ASGR1: variants seen among roughly 807,000 people sequenced by gnomAD.
ASGR1 encodes the protein C-type lectin domain family 4 member H1.
In ASGR1, 35 loss-of-function variants were observed where a neutral mutation model predicts 33.1. The ratio of observed to expected loss-of-function variants is 1.06; its 90% CI spans 0.81 to 1.40. The LOEUF (loss-of-function observed/expected upper bound fraction) is 1.40, where lower values mean the gene tolerates loss of function less well. Among genes scored for constraint, ASGR1 ranks in the 40% most tolerant of loss-of-function variants. The probability of loss-of-function intolerance (pLI) is 0.00; values close to 1 mark genes in which losing one functional copy is unlikely to be tolerated. For synonymous variants in ASGR1, 142 were observed against 152.5 expected (o/e 0.93, Z 0.51); for missense variants, 396 against 373.7 (o/e 1.06, Z -0.49).
intron 4 of ASGR1, 32 bp downstream of exon 4, chr17:7,176,949 C>A (rs1259289391): frequency 2.5e-6 from 4 of 1,596,628 alleles, no homozygotes; most frequent in Middle Eastern, 4.4e-4. Context: ...CCAGCCCCAG[C>A]CCCAGCCCCA....
At chr17:7,178,696 A>T in intron 1 of ASGR1, 108 bp from the exon 2 acceptor site, 2 of 582,246 alleles carry the variant, frequency 3.4e-6, no homozygotes, top group East Asian at 3.2e-5. Context: ...CATCATGGAG[A>T]CCTTTCTTCT....
Position 7,173,523 on chromosome 17 carries a change from C to T in ASGR1, c.*136G>A, listed in dbSNP as rs979992474. 30 of 1,258,076 alleles carry T rather than the reference C, an allele frequency of 2.4e-5. No homozygotes were observed. The African/African-American group carries it at 3.9e-4, about 16-fold the overall frequency. 77.9% of individuals were successfully genotyped at this position (1,258,076 alleles called of 1,614,324 possible). A position where few individuals can be genotyped will look rare whatever the true frequency, so the allele number is the denominator to read the frequency against. ...GCGCCACGGGTTTCAAGCTCCTCAC[C>T]TTCGGAACATCACCCTATCCTTCCC... On this transcript the variant is annotated 3_prime_UTR_variant, in exon 9 of 9. Coordinates refer to ENST00000269299, the MANE Select transcript of ASGR1 (RefSeq NM_001671.5). This position sits in a 1 kb window ranked among gnomAD's most constrained non-coding sequence, Gnocchi z 4.7.
chr17:7,176,484 CTCTA>C (rs1395937664), intron 5 of ASGR1: 25 of 436,892 alleles, frequency 5.7e-5, no homozygotes, highest in South Asian at 3.8e-4. Flanking sequence ...CTCACACACA[CTCTA>C]TCTCATTCTC....
At chr17:7,175,630 C>T (rs2069189469) in intron 5 of ASGR1, among the ~76,000 whole-genome samples, 1 of 151,116 alleles carries the variant, frequency 6.6e-6, no homozygotes, top group South Asian at 2.1e-4. Context: ...CTAACACACA[C>T]GTTCTCACAT....
chr17:7,174,264 G>C lies in ASGR1; in HGVS notation c.468C>G (p.Val156=). ...AGCTGCGCTCGTGCTCCACCCAGTT[G>C]ACCGGGCAGCAGGTCCTTTCTGAGC... ...GNGSERTCCP[V]NWVEHERSCY... is the part of the protein sequence containing the mutation. The change falls in exon 7 of 9, where the codon GTC becomes GTG. Residue 156 remains valine, a synonymous_variant. Transcript: ENST00000269299. The C allele has an allele frequency of 6.2e-7, 1 of 1,614,094 alleles. No homozygotes were observed. The highest frequency in any genetic ancestry group is 8.5e-7 in the Non-Finnish European group (1 of 1,179,990).
chr17:7,177,459 G>T (rs1359660057), intron 2 of ASGR1, 133 bp from the exon 3 acceptor site: 3 of 679,386 alleles, frequency 4.4e-6, no homozygotes, highest in Non-Finnish European at 7.4e-6. Flanking sequence ...AAATGCGGGC[G>T]GTGGGCGACC....
Position 7,176,989 on chromosome 17 carries a change from C to T in ASGR1, c.275G>A (p.Ser92Asn). 1 of 1,567,918 alleles carries T rather than the reference C, an allele frequency of 6.4e-7. No individual in the cohort carries two copies. Among genetic ancestry groups the T allele is most frequent in the Non-Finnish European group, 8.7e-7 (1 of 1,154,364 alleles). Reference protein sequence around the residue: ...ASTEAQVKGLSTQGGNVGRKM... With the variant: ...ASTEAQVKGLNTQGGNVGRKM... ...CGCCCCAGCGCCCTCACCCTGGGTG[C>T]TCAAGCCCTTGACCTGGGCCTCCGT... Residue 92 changes from serine (S) to asparagine (N), a missense_variant, in exon 4 of 9, where the codon AGC becomes AAC. Coordinates refer to ENST00000269299, the MANE Select transcript of ASGR1 (RefSeq NM_001671.5).
At chr17:7,174,712 AACAC>A (rs377586367) in intron 5 of ASGR1, among the ~76,000 whole-genome samples, 52 of 143,974 alleles carry the variant, frequency 3.6e-4, no homozygotes, top group Non-Finnish European at 6.0e-4. Flanking sequence ...GACAATATAC[AACAC>A]ACACACACAC....
rs148267567 is a variant in ASGR1, at chr17:7,179,079, C to T, written c.-26+111G>A. The stretch of plus-strand genomic sequence containing the variant: ...CTCCATCCCCTCCCAGGCCTGACAT[C>T]CAGAATCCATCCTCTGATGTTTCCC... On this transcript the variant is annotated intron_variant, in intron 1 of 8. Transcript: ENST00000269299. The T allele has an allele frequency of 8.4e-3, 1,278 of 152,864 alleles. 8 individuals are homozygous for T. Among genetic ancestry groups the T allele is most frequent in the South Asian group, 0.019 (90 of 4,852 alleles). The allele number at this position is 152,864 out of a possible 1,614,324, so 9.5% of individuals were successfully genotyped here.
chr17:7,176,801 C>G, intron 5 of ASGR1, 29 bp downstream of exon 5: 1 of 1,601,158 alleles, frequency 6.2e-7, no homozygotes, highest in Non-Finnish European at 8.5e-7. Flanking sequence ...TTCACACACA[C>G]ACACACACAC....
Position 7,176,780 on chromosome 17 carries a change from TCTCA to T in ASGR1, c.355+46_355+49del, listed in dbSNP as rs777918700. The T allele has an allele frequency of 5.1e-6, 8 of 1,580,186 alleles. No individual in the cohort carries two copies. In the East Asian group the frequency reaches 9.1e-5, roughly 18 times the overall value. On this transcript the variant is annotated intron_variant, in intron 5 of 8. Coordinates refer to ENST00000269299, the MANE Select transcript of ASGR1 (RefSeq NM_001671.5). ...CACTTTCTCACACACATCCACACAT[TCTCA>T]CTCTCTTTCACACACACACACACAC...
chr17:7,173,465 A>AT lies in ASGR1; in HGVS notation c.*193_*194insA. The AT allele has an allele frequency of 2.8e-6, 2 of 721,688 alleles. No individual in the cohort carries two copies. Among genetic ancestry groups the AT allele is most frequent in the Non-Finnish European group, 4.4e-6 (2 of 451,738 alleles). The allele number at this position is 721,688 out of a possible 1,614,324, so 44.7% of individuals were successfully genotyped here. ...ATTTCTTTTTACTCTTAAAAAAAAAAAGTTCACAATGATAACCTGCAAACT... is the reference window on the plus strand; with the variant it reads ...ATTTCTTTTTACTCTTAAAAAAAAAATAGTTCACAATGATAACCTGCAAACT... On this transcript the variant is annotated 3_prime_UTR_variant, in exon 9 of 9. Coordinates refer to ENST00000269299, the MANE Select transcript of ASGR1 (RefSeq NM_001671.5). This position sits in a 1 kb window ranked among gnomAD's most constrained non-coding sequence, Gnocchi z 4.7.
At chr17:7,176,570 TCA>T (rs71959975) in intron 5 of ASGR1, 8,736 of 493,744 alleles carry the variant, frequency 0.018, 153 homozygotes, top group East Asian at 0.066. Flanking sequence ...CACCTCATTC[TCA>T]CACACAGACT....
intron 5 of ASGR1, among the ~76,000 whole-genome samples, chr17:7,175,975 C>G (rs961128607): frequency 1.3e-5 from 2 of 150,260 alleles, no homozygotes; most frequent in African/African-American, 4.9e-5. Context: ...CACACGTTCT[C>G]ACACACATAC....
In ASGR1 at chr17:7,174,198, G is replaced by C. The variant is rs749087233; in HGVS notation, c.534C>G (p.Ala178=). The C allele has an allele frequency of 2.8e-5, 45 of 1,614,052 alleles. No individual in the cohort carries two copies. In the Admixed American group the frequency reaches 4.5e-4, roughly 16 times the overall value. Reference sequence around the variant, plus strand: ...CGTCCTCCAGCCGGCAGTAGTTGTCGGCGTCAGCCCAGGCCTTCCCGGAGC... The same window carrying C: ...CGTCCTCCAGCCGGCAGTAGTTGTCCGCGTCAGCCCAGGCCTTCCCGGAGC... ...FSRSGKAWAD[A]DNYCRLEDAH... Residue 178 remains alanine, a synonymous_variant, in exon 7 of 9, where the codon GCC becomes GCG. Coordinates refer to ENST00000269299, the MANE Select transcript of ASGR1 (RefSeq NM_001671.5).
chr17:7,175,016 A>G (rs2069179395), intron 5 of ASGR1, among the ~76,000 whole-genome samples: 1 of 148,516 alleles, frequency 6.7e-6, no homozygotes, highest in African/African-American at 2.5e-5. Context: ...TCACATACAC[A>G]CTCACACAAC....
Position 7,174,185 on chromosome 17 carries a change from G to A in ASGR1, c.547C>T (p.Arg183Trp), listed in dbSNP as rs369527058. Reference protein sequence around the residue: ...KAWADADNYCRLEDAHLVVVT... With the variant: ...KAWADADNYCWLEDAHLVVVT... ...ACCACCAGGTGCGCGTCCTCCAGCC[G>A]GCAGTAGTTGTCGGCGTCAGCCCAG... Residue 183 changes from arginine (R) to tryptophan (W), a missense_variant, in exon 7 of 9, where the codon CGG becomes TGG. Arg to Trp is a moderately radical substitution (Grantham distance 101). Transcript: ENST00000269299. The A allele has an allele frequency of 2.5e-6, 4 of 1,614,072 alleles. No individual in the cohort carries two copies. Among genetic ancestry groups the A allele is most frequent in the South Asian group, 2.2e-5 (2 of 91,092 alleles).
chr17:7,176,717 C>A, intron 5 of ASGR1, 113 bp downstream of exon 5: 1 of 1,466,022 alleles, frequency 6.8e-7, no homozygotes, highest in Non-Finnish European at 9.3e-7. Flanking sequence ...CACACACACA[C>A]ACTCCCTCTC....
In ASGR1 at chr17:7,177,037, G is replaced by C. The variant is rs772693161; in HGVS notation, c.227C>G (p.Thr76Arg). Residue 76 changes from threonine (T) to arginine (R), a missense_variant, in exon 4 of 9, where the codon ACG becomes AGG. Physicochemically the swap from Thr to Arg is moderately conservative, Grantham distance 71. Coordinates refer to ENST00000269299, the MANE Select transcript of ASGR1 (RefSeq NM_001671.5). ...CGTGCTCGCTGTGAAGTTGCTGAAC[G>C]TCTCTCTCAGGCCCCGCAGCTCCTC... ...LQEELRGLRE[T>R]FSNFTASTEA... The C allele has an allele frequency of 2.4e-5, 38 of 1,612,186 alleles. No individual in the cohort carries two copies. In the East Asian group the frequency reaches 7.4e-4, roughly 31 times the overall value.
Sources: gnomAD v4.1 joint callset for allele counts (sites outside exome capture counted in the v4.1 genomes callset) on GRCh38, gnomAD v4.1.1 for gene constraint, Gnocchi (gnomAD v3.1) non-coding constraint, MANE v1.5 for transcripts, NCBI Gene and HGNC (gene_info 2026-07-23, HGNC 2026-07-21) for gene names.